The following HECW2 variants were observed in gnomAD, a reference collection of about 807,000 sequenced individuals.
The protein encoded by HECW2 is E3 ubiquitin-protein ligase HECW2.
In HECW2, 61 loss-of-function variants were observed where a neutral mutation model predicts 175.2. That is an observed-to-expected ratio of 0.35 (90% CI 0.28 to 0.43). HECW2 has a LOEUF of 0.43. Ranked by LOEUF, HECW2 falls within the 20% of genes least tolerant of loss-of-function variation. The pLI is 1.00. For synonymous variants in HECW2, 671 were observed against 731.0 expected (o/e 0.92, Z 1.32); for missense variants, 1,524 against 2,000.5 (o/e 0.76, Z 4.54).
At chr2:196,443,306 C>CA (rs1339577151) in intron 1 of HECW2, among the ~76,000 whole-genome samples, 1 of 152,052 alleles carries the variant, frequency 6.6e-6, no homozygotes, top group Non-Finnish European at 1.5e-5. Context: ...AAGCCACTAA[C>CA]AAAATACCAG....
intron 2 of HECW2, among the ~76,000 whole-genome samples, chr2:196,380,186 G>T (rs1443179358): frequency 6.6e-6 from 1 of 152,178 alleles, no homozygotes; most frequent in Non-Finnish European, 1.5e-5. Flanking sequence ...ACAAAGATTT[G>T]CTTAAATGCA....
chr2:196,411,741 T>G (rs1173670404), intron 2 of HECW2, among the ~76,000 whole-genome samples: 1 of 152,252 alleles, frequency 6.6e-6, no homozygotes, highest in Non-Finnish European at 1.5e-5. Flanking sequence ...CTGGATGCGG[T>G]GGCTCACGCC....
At chr2:196,294,478 A>G (rs1690731926) in intron 13 of HECW2, among the ~76,000 whole-genome samples, 1 of 152,102 alleles carries the variant, frequency 6.6e-6, no homozygotes, top group Non-Finnish European at 1.5e-5. Flanking sequence ...TTTTAGTCTA[A>G]ATCGTATGGG....
chr2:196,577,743 A>G (rs1017676903), intron 1 of HECW2, among the ~76,000 whole-genome samples: 3 of 152,210 alleles, frequency 2.0e-5, no homozygotes, highest in Non-Finnish European at 4.4e-5. Flanking sequence ...GAGATTTACT[A>G]GTCCAAGGCA....
intron 1 of HECW2, among the ~76,000 whole-genome samples, chr2:196,468,715 G>T (rs185824730): frequency 6.6e-6 from 1 of 152,046 alleles, no homozygotes; most frequent in African/African-American, 2.4e-5. Flanking sequence ...ATGAATGAAG[G>T]TCTGAGGTGT....
At chr2:196,208,879 G>A (rs1256128588) in intron 28 of HECW2, among the ~76,000 whole-genome samples, 1 of 152,190 alleles carries the variant, frequency 6.6e-6, no homozygotes, top group Non-Finnish European at 1.5e-5. Context: ...CCACCAGAGG[G>A]TGTAGGCAAG....
chr2:196,455,332 C>A (rs1696474521), intron 1 of HECW2, among the ~76,000 whole-genome samples: 1 of 152,064 alleles, frequency 6.6e-6, no homozygotes, highest in Non-Finnish European at 1.5e-5. Flanking sequence ...ATGCCCGGCC[C>A]CTTTTACTTA....
At chr2:196,534,080 T>G (rs1688935676) in intron 1 of HECW2, among the ~76,000 whole-genome samples, 1 of 152,198 alleles carries the variant, frequency 6.6e-6, no homozygotes, top group Non-Finnish European at 1.5e-5. Context: ...ACTGATAATA[T>G]GTATCTGCTA....
chr2:196,493,627 T>C (rs1208341417), intron 1 of HECW2, among the ~76,000 whole-genome samples: 1 of 152,214 alleles, frequency 6.6e-6, no homozygotes, highest in Non-Finnish European at 1.5e-5. Flanking sequence ...TTTTAAAAAA[T>C]TAGGTCTGTG....
intron 4 of HECW2, among the ~76,000 whole-genome samples, chr2:196,331,865 C>T (rs548360867): frequency 4.9e-4 from 75 of 152,298 alleles, no homozygotes; most frequent in African/African-American, 1.7e-3. Flanking sequence ...CACATCTGCA[C>T]TCAATGTTTA....
At chr2:196,284,704 C>T (rs982263510) in intron 14 of HECW2, among the ~76,000 whole-genome samples, 1 of 152,186 alleles carries the variant, frequency 6.6e-6, no homozygotes, top group African/African-American at 2.4e-5. Flanking sequence ...ACAGGAAATG[C>T]TACCTAGTTC....
chr2:196,568,051 T>C (rs1005046288), intron 1 of HECW2, among the ~76,000 whole-genome samples: 8 of 152,188 alleles, frequency 5.3e-5, no homozygotes, highest in African/African-American at 7.2e-5. Flanking sequence ...CCTAGAAACA[T>C]TGAATTGTTC....
intron 10 of HECW2, among the ~76,000 whole-genome samples, chr2:196,315,536 C>T (rs1471412098): frequency 1.3e-5 from 2 of 152,164 alleles, no homozygotes; most frequent in Non-Finnish European, 2.9e-5. Context: ...TAAGAGGGAA[C>T]ACTTCTTAAG....
At chr2:196,323,915 G>A (rs73988162) in intron 6 of HECW2, among the ~76,000 whole-genome samples, 2 of 68,800 alleles carry the variant, frequency 2.9e-5, no homozygotes, top group Non-Finnish European at 6.1e-5. Flanking sequence ...TTTGTTTTTT[G>A]TTTGTTTTTT....
At chr2:196,457,167 C>A (rs1281717769) in intron 1 of HECW2, among the ~76,000 whole-genome samples, 3 of 152,202 alleles carry the variant, frequency 2.0e-5, no homozygotes, top group Admixed American at 2.0e-4. Context: ...AGAGATACTA[C>A]ACATATGTCT....
chr2:196,393,378 G>C (rs1355938820), intron 2 of HECW2, among the ~76,000 whole-genome samples: 1 of 152,086 alleles, frequency 6.6e-6, no homozygotes. Flanking sequence ...TACAGAATGG[G>C]AGAAAATTTT....
At chr2:196,244,344 A>G (rs1688569815) in intron 19 of HECW2, among the ~76,000 whole-genome samples, 1 of 152,182 alleles carries the variant, frequency 6.6e-6, no homozygotes, top group African/African-American at 2.4e-5. Context: ...TTGCCCCATA[A>G]TCTTTTTTGA....
At chr2:196,571,379 C>T (rs1690379308) in intron 1 of HECW2, among the ~76,000 whole-genome samples, 1 of 152,136 alleles carries the variant, frequency 6.6e-6, no homozygotes, top group Non-Finnish European at 1.5e-5. Context: ...ATAACAAAAT[C>T]TGAGCAAATC....
At chr2:196,329,178 T>C (rs1692264567) in intron 5 of HECW2, among the ~76,000 whole-genome samples, 2 of 152,216 alleles carry the variant, frequency 1.3e-5, no homozygotes, top group African/African-American at 4.8e-5. Context: ...CCAATTTGCA[T>C]GTGTATTCCT....
Sources: gnomAD v4.1 joint callset for allele counts (sites outside exome capture counted in the v4.1 genomes callset) on GRCh38, gnomAD v4.1.1 for gene constraint, MANE v1.5 for transcripts, NCBI Gene and HGNC (gene_info 2026-07-23, HGNC 2026-07-21) for gene names.